The following SPACA1 variants were observed in gnomAD, a reference collection of about 807,000 sequenced individuals.
SPACA1 encodes sperm acrosome associated 1, also known as sperm acrosome membrane-associated protein 1.
In SPACA1, 17 loss-of-function variants were observed where a neutral mutation model predicts 32.6. The ratio of observed to expected loss-of-function variants is 0.52; its 90% CI spans 0.36 to 0.78. The LOEUF (loss-of-function observed/expected upper bound fraction) is 0.78. Ranked by LOEUF, SPACA1 falls within the 30% of genes least tolerant of loss-of-function variation. The pLI is 0.01. For synonymous variants in SPACA1, 140 were observed against 138.1 expected (o/e 1.01, Z -0.10); for missense variants, 363 against 373.4 (o/e 0.97, Z 0.23).
intron 3 of SPACA1, among the ~76,000 whole-genome samples, chr6:88,058,187 A>C (rs141222889): frequency 1.4e-3 from 211 of 152,330 alleles, no homozygotes; most frequent in African/African-American, 4.8e-3. Context: ...CAGTAGGTCA[A>C]TTACAACTTA....
At chr6:88,055,104 A>G (rs1775787338) in intron 2 of SPACA1, among the ~76,000 whole-genome samples, 1 of 152,168 alleles carries the variant, frequency 6.6e-6, no homozygotes, top group African/African-American at 2.4e-5. Context: ...AAATCCATGT[A>G]GTAAGCCTGC....
Position 88,058,579 on chromosome 6 carries a change from C to T in SPACA1, c.368-137C>T, listed in dbSNP as rs949470036. The T allele has an allele frequency of 6.9e-6, 4 of 579,566 alleles. No individual in the cohort carries two copies. In the South Asian group the frequency reaches 8.8e-5, roughly 13 times the overall value. 35.9% of individuals were successfully genotyped at this position (579,566 alleles called of 1,614,324 possible). On this transcript the variant is annotated intron_variant, in intron 3 of 6. Transcript: ENST00000237201. ...GCTTGAGCCCAGGAGGCAGAGATTG[C>T]AGTGAGCCAAGATCATGCCACTCTA...
Position 88,066,512 on chromosome 6 carries a change from A to T in SPACA1, c.*177A>T, listed in dbSNP as rs1775989091. The T allele has an allele frequency of 2.3e-6, 1 of 436,292 alleles. No individual in the cohort carries two copies. Among genetic ancestry groups the T allele is most frequent in the Admixed American group, 4.3e-5 (1 of 23,150 alleles). 27.0% of individuals were successfully genotyped at this position (436,292 alleles called of 1,614,324 possible). A position where few individuals can be genotyped will look rare whatever the true frequency, so the allele number is the denominator to read the frequency against. ...AGTGCATTTTTCCAGTACAGTTATC[A>T]AATATTACTTTTAATTTGTTCTCAA... On this transcript the variant is annotated 3_prime_UTR_variant, in exon 7 of 7. Transcript: ENST00000237201.
intron 1 of SPACA1, among the ~76,000 whole-genome samples, chr6:88,050,912 G>A (rs1158943032): frequency 6.6e-6 from 1 of 152,214 alleles, no homozygotes; most frequent in Non-Finnish European, 1.5e-5. Flanking sequence ...TGCTTCGGAA[G>A]GCCGAGGTGG....
intron 3 of SPACA1, 27 bp downstream of exon 3, chr6:88,057,740 G>T: frequency 6.3e-7 from 1 of 1,589,112 alleles, no homozygotes; most frequent in South Asian, 1.1e-5. Context: ...ATTGGAGGGA[G>T]ACTGTGGGCA....
At chr6:88,051,079 G>A (rs1465839542) in intron 1 of SPACA1, among the ~76,000 whole-genome samples, 4 of 151,870 alleles carry the variant, frequency 2.6e-5, no homozygotes, top group African/African-American at 4.8e-5. Flanking sequence ...CCCAGGAGGT[G>A]GAGCTTGCAG....
intron 6 of SPACA1, 118 bp from the exon 7 acceptor site, chr6:88,066,064 A>G: frequency 1.5e-6 from 1 of 675,690 alleles, no homozygotes; most frequent in South Asian, 3.5e-5. Context: ...TAATATATAC[A>G]TACAGGTAAT....
chr6:88,054,003 G>T lies in SPACA1; in HGVS notation c.265+1G>T. ...TTCGGAATGTGCACCGTTACATGTG[G>T]TAAGTAGCTTGGAGCAGATGAATAA... On this transcript the variant is annotated splice_donor_variant, in intron 2 of 6. Coordinates refer to ENST00000237201, the MANE Select transcript of SPACA1 (RefSeq NM_030960.3). LOFTEE classifies it high-confidence loss of function. The T allele has an allele frequency of 6.2e-7, 1 of 1,613,348 alleles. No individual in the cohort carries two copies. Among genetic ancestry groups the T allele is most frequent in the Non-Finnish European group, 8.5e-7 (1 of 1,179,548 alleles).
Position 88,064,209 on chromosome 6 carries a change from A to G in SPACA1, c.721A>G (p.Ile241Val), listed in dbSNP as rs748710595. 2 of 1,611,002 alleles carry G rather than the reference A, an allele frequency of 1.2e-6. No individual in the cohort carries two copies. Among genetic ancestry groups the G allele is most frequent in the Admixed American group, 1.7e-5 (1 of 59,650 alleles). Reference sequence around the variant, plus strand: ...TATAATTTTCTTATTGATCTTCATAATCATAAATTGGTAGGTGAATAGTGG... The same window carrying G: ...TATAATTTTCTTATTGATCTTCATAGTCATAAATTGGTAGGTGAATAGTGG... ...VFIIFLLIFI[I>V]INWAAVKAFW... The change falls in exon 6 of 7, where the codon ATC becomes GTC. Residue 241 changes from isoleucine to valine, a missense_variant. Coordinates refer to ENST00000237201, the MANE Select transcript of SPACA1 (RefSeq NM_030960.3).
intron 1 of SPACA1, among the ~76,000 whole-genome samples, chr6:88,052,944 A>C: frequency 6.6e-6 from 1 of 152,362 alleles, no homozygotes; most frequent in East Asian, 1.9e-4. Flanking sequence ...AAAAAACATT[A>C]AATTAATAAG....
At chr6:88,050,377 T>C (rs1775711087) in intron 1 of SPACA1, among the ~76,000 whole-genome samples, 1 of 152,246 alleles carries the variant, frequency 6.6e-6, no homozygotes, top group Non-Finnish European at 1.5e-5. Context: ...TCCAAGATAA[T>C]CATCATCTCT....
chr6:88,052,248 G>A (rs1430477496), intron 1 of SPACA1, among the ~76,000 whole-genome samples: 1 of 152,042 alleles, frequency 6.6e-6, no homozygotes, highest in Non-Finnish European at 1.5e-5. Flanking sequence ...AAGGAAACAA[G>A]TTGGAAGAAA....
intron 1 of SPACA1, 90 bp from the exon 2 acceptor site, chr6:88,053,856 T>C (rs2127798905): frequency 6.5e-6 from 7 of 1,071,262 alleles, no homozygotes; most frequent in South Asian, 5.7e-5. Context: ...GCCCATATCA[T>C]ACACATGTCT....
rs1240845520 is a variant in SPACA1, at chr6:88,055,740, G to A, written c.265+1738G>A. 2.6e-5 allele frequency among the ~76,000 whole-genome samples: 4 copies of A among 152,358 alleles called. No homozygotes were observed. The East Asian group carries it at 5.8e-4, about 22-fold the overall frequency. Reference sequence around the variant, plus strand: ...AATCCCAGCACTTTGGGAGGCCGAGGCGGGTGGATCACGAGGTCCAGATAT... The same window carrying A: ...AATCCCAGCACTTTGGGAGGCCGAGACGGGTGGATCACGAGGTCCAGATAT... On this transcript the variant is annotated intron_variant, in intron 2 of 6. Transcript: ENST00000237201.
At chr6:88,064,607 T>C (rs1043773361) in intron 6 of SPACA1, 3 of 153,256 alleles carry the variant, frequency 2.0e-5, no homozygotes, top group African/African-American at 7.3e-5. Flanking sequence ...CCTACATGAG[T>C]AGTACACCCT....
upstream of SPACA1, chr6:88,047,835 C>G: frequency 4.3e-6 from 6 of 1,410,640 alleles, no homozygotes; most frequent in Non-Finnish European, 5.6e-6. Context: ...TGTCGCAGCT[C>G]TCTTCGACGT....
chr6:88,047,729 C>G, upstream of SPACA1: 1 of 655,294 alleles, frequency 1.5e-6, no homozygotes, highest in South Asian at 2.1e-5. Context: ...TAGCTCCGCG[C>G]GAGTTCCAGG....
At chr6:88,063,227 A>C (rs1328032031) in intron 5 of SPACA1, among the ~76,000 whole-genome samples, 2 of 152,164 alleles carry the variant, frequency 1.3e-5, no homozygotes, top group Admixed American at 6.5e-5. Flanking sequence ...TTTAGCCAAA[A>C]ATTAAGATAT....
chr6:88,064,397 A>G lies in SPACA1; in HGVS notation c.731+178A>G, dbSNP rs145724187. The G allele has an allele frequency of 5.9e-4, 262 of 442,200 alleles. 2 individuals carry two copies. The highest frequency in any genetic ancestry group is 5.0e-3 in the African/African-American group (247 of 49,460). The allele number at this position is 442,200 out of a possible 1,614,324, so 27.4% of individuals were successfully genotyped here. On this transcript the variant is annotated intron_variant, in intron 6 of 6. Coordinates refer to ENST00000237201, the MANE Select transcript of SPACA1 (RefSeq NM_030960.3). ...TTCAGGCTGCCCCGTCTCTTTATGTAGATGCTTTTTAAAACAATCTCATGA... is the reference window on the plus strand; with the variant it reads ...TTCAGGCTGCCCCGTCTCTTTATGTGGATGCTTTTTAAAACAATCTCATGA...
Sources: gnomAD v4.1 joint callset for allele counts (sites outside exome capture counted in the v4.1 genomes callset) on GRCh38, gnomAD v4.1.1 for gene constraint, MANE v1.5 for transcripts, NCBI Gene and HGNC (gene_info 2026-07-23, HGNC 2026-07-21) for gene names.